Variants in PPP1R2 observed in about 807,000 individuals in gnomAD.
The protein encoded by PPP1R2 is protein phosphatase 1 regulatory inhibitor subunit 2, also known as protein phosphatase inhibitor 2.
Under a neutral mutation model 29.9 loss-of-function variants are expected in PPP1R2, and 16 were observed. That is an observed-to-expected ratio of 0.53 (90% CI 0.36 to 0.81). PPP1R2 has a LOEUF of 0.81. Among genes scored for constraint, PPP1R2 ranks in the 30% least tolerant of loss-of-function variants. The pLI is 0.00. For missense variants in PPP1R2, 197 were observed against 252.7 expected, an observed-to-expected ratio of 0.78 and a Z score of 1.49; for synonymous variants, 76 against 91.5, an observed-to-expected ratio of 0.83 and a Z score of 0.96.
chr3:195,532,304 G>A (rs1409771612), intron 1 of PPP1R2, among the ~76,000 whole-genome samples: 1 of 145,754 alleles, frequency 6.9e-6, no homozygotes, highest in East Asian at 2.0e-4. Flanking sequence ...CCCTGCCTCA[G>A]CCTCCCAAAG....
intron 1 of PPP1R2, among the ~76,000 whole-genome samples, chr3:195,535,148 A>C (rs1719328691): frequency 6.6e-6 from 1 of 152,160 alleles, no homozygotes; most frequent in South Asian, 2.1e-4. Context: ...AAACTGTTCC[A>C]CCTCAGATCA....
chr3:195,519,262 A>T (rs1286346112), intron 4 of PPP1R2, 77 bp from the exon 5 acceptor site: 8 of 1,088,838 alleles, frequency 7.3e-6, no homozygotes, highest in Non-Finnish European at 1.1e-5. Flanking sequence ...ATAAAATTTT[A>T]TTGAAACAGT....
intron 4 of PPP1R2, among the ~76,000 whole-genome samples, chr3:195,522,903 G>A (rs1464392922): frequency 2.6e-5 from 4 of 152,024 alleles, no homozygotes; most frequent in African/African-American, 9.7e-5. Context: ...CCTCTTTTTT[G>A]TGAGTATGTG....
At chr3:195,533,733 T>C (rs1375983108) in intron 1 of PPP1R2, among the ~76,000 whole-genome samples, 1 of 152,210 alleles carries the variant, frequency 6.6e-6, no homozygotes, top group African/African-American at 2.4e-5. Context: ...CATGAAAACC[T>C]TGCATATTTT....
intron 3 of PPP1R2, among the ~76,000 whole-genome samples, chr3:195,524,067 G>GAT (rs1203524465): frequency 6.6e-6 from 1 of 150,386 alleles, no homozygotes. Flanking sequence ...CAGCCTGAGT[G>GAT]ATAGAACAAG....
intron 1 of PPP1R2, among the ~76,000 whole-genome samples, chr3:195,532,635 G>T (rs1719229860): frequency 6.6e-6 from 1 of 152,006 alleles, no homozygotes; most frequent in South Asian, 2.1e-4. Flanking sequence ...ATCTTCTCTT[G>T]GACTCTATTT....
intron 1 of PPP1R2, among the ~76,000 whole-genome samples, chr3:195,531,904 A>G (rs577939646): frequency 6.6e-6 from 1 of 152,342 alleles, no homozygotes; most frequent in East Asian, 1.9e-4. Flanking sequence ...TTCTACTTCT[A>G]TCTCTAGAAA....
At chr3:195,518,650 C>CAA (rs35912447) in intron 5 of PPP1R2, among the ~76,000 whole-genome samples, 2 of 133,934 alleles carry the variant, frequency 1.5e-5, no homozygotes, top group African/African-American at 2.8e-5. Flanking sequence ...GACTCTGTCT[C>CAA]AAAAAAAAAA....
chr3:195,541,108 CT>C (rs1420542470), intron 1 of PPP1R2, among the ~76,000 whole-genome samples: 6 of 152,202 alleles, frequency 3.9e-5, no homozygotes, highest in Non-Finnish European at 7.3e-5. Flanking sequence ...GCCACAGATA[CT>C]ACAGAAGAGG....
At chr3:195,518,447 T>C (rs866970264) in intron 5 of PPP1R2, among the ~76,000 whole-genome samples, 69 of 151,872 alleles carry the variant, frequency 4.5e-4, no homozygotes, top group Middle Eastern at 3.4e-3. Context: ...GTCAGGAGAT[T>C]GGGACCATCC....
At chr3:195,535,759 T>C (rs1719355545) in intron 1 of PPP1R2, among the ~76,000 whole-genome samples, 1 of 152,240 alleles carries the variant, frequency 6.6e-6, no homozygotes, top group Non-Finnish European at 1.5e-5. Context: ...TTTTACAACA[T>C]GGACGCTTTT....
intron 1 of PPP1R2, among the ~76,000 whole-genome samples, chr3:195,538,112 G>T (rs1340201013): frequency 1.3e-5 from 2 of 152,350 alleles, no homozygotes; most frequent in African/African-American, 4.8e-5. Context: ...TTACATGGCA[G>T]ATCTGCCATG....
intron 1 of PPP1R2, among the ~76,000 whole-genome samples, chr3:195,540,514 G>A (rs983695104): frequency 6.6e-6 from 1 of 152,200 alleles, no homozygotes; most frequent in South Asian, 2.1e-4. Context: ...TGGTTTGAAC[G>A]TTTGTCCTCT....
At chr3:195,519,228 G>A (rs1317097502) in intron 4 of PPP1R2, 43 bp from the exon 5 acceptor site, 1 of 1,422,014 alleles carries the variant, frequency 7.0e-7, no homozygotes, top group Non-Finnish European at 9.7e-7. Flanking sequence ...TGAGCTCAAG[G>A]ATTGGCCCAT....
At chr3:195,532,545 CA>C (rs1188412310) in intron 1 of PPP1R2, among the ~76,000 whole-genome samples, 1 of 151,882 alleles carries the variant, frequency 6.6e-6, no homozygotes, top group Non-Finnish European at 1.5e-5. Context: ...TGGCAGAAAA[CA>C]AAAAACAAAT....
At chr3:195,539,524 C>G (rs1418937831) in intron 1 of PPP1R2, among the ~76,000 whole-genome samples, 1 of 152,038 alleles carries the variant, frequency 6.6e-6, no homozygotes, top group Non-Finnish European at 1.5e-5. Context: ...CCAGCCTGAG[C>G]AATATACTAA....
Position 195,516,854 on chromosome 3 carries a change from G to A in PPP1R2, c.*42C>T, listed in dbSNP as rs777718080. 6.4e-7 allele frequency: 1 copy of A among 1,564,716 alleles called. No individual in the cohort carries two copies. The highest frequency in any genetic ancestry group is 2.2e-5 in the East Asian group (1 of 44,552). On this transcript the variant is annotated 3_prime_UTR_variant, in exon 6 of 6. Transcript: ENST00000618156. ...AGAAGCAACGTACTATAGTCACAGG[G>A]TTTACATCTAACAAACAATTGCAGT... is the stretch of plus-strand genomic sequence containing the variant.
chr3:195,532,269 T>A (rs182573378), intron 1 of PPP1R2, among the ~76,000 whole-genome samples: 134 of 149,348 alleles, frequency 9.0e-4, no homozygotes, highest in African/African-American at 3.2e-3. Flanking sequence ...CAGGCTGGTA[T>A]CAAACTCCTG....
chr3:195,524,679 G>A, intron 3 of PPP1R2, 140 bp downstream of exon 3: 1 of 726,680 alleles, frequency 1.4e-6, no homozygotes. Context: ...GGGGAAAAAA[G>A]GAAAAAAAAG....
Sources: allele counts gnomAD v4.1 joint callset (sites outside exome capture counted in the v4.1 genomes callset), GRCh38; gene constraint gnomAD v4.1.1; transcripts MANE v1.5; gene names NCBI Gene and HGNC (gene_info 2026-07-23, HGNC 2026-07-21).